Variants in COL4A2 observed in about 807,000 individuals in gnomAD.
COL4A2 encodes the protein collagen type IV alpha 2 chain.
In COL4A2, 99 loss-of-function variants were observed where a neutral mutation model predicts 200.2. That is an observed-to-expected ratio of 0.49 (90% CI 0.42 to 0.58). The LOEUF is 0.58. Ranked by LOEUF, COL4A2 falls within the 20% of genes least tolerant of loss-of-function variation. The probability of loss-of-function intolerance (pLI) is 0.00; values close to 1 mark genes in which losing one functional copy is unlikely to be tolerated. For synonymous variants in COL4A2, 897 were observed against 900.6 expected (o/e 1.00, Z 0.07); for missense variants, 1,950 against 2,314.1 (o/e 0.84, Z 3.23).
At chr13:110,381,170 C>A (rs1878474471) in intron 4 of COL4A2, among the ~76,000 whole-genome samples, 1 of 151,238 alleles carries the variant, frequency 6.6e-6, no homozygotes, top group Admixed American at 6.6e-5. Flanking sequence ...CATCCACGGG[C>A]TCTATCTCAC....
chr13:110,486,191 T>C (rs2025906), intron 34 of COL4A2, among the ~76,000 whole-genome samples: 71,382 of 152,024 alleles, frequency 0.47, 17,348 homozygotes, highest in East Asian at 0.63. Flanking sequence ...CATGGCCGAA[T>C]CACAGCGTAG....
chr13:110,454,271 T>C (rs1379157595), intron 20 of COL4A2, among the ~76,000 whole-genome samples: 2 of 152,182 alleles, frequency 1.3e-5, no homozygotes, highest in Non-Finnish European at 2.9e-5. Context: ...ATGACTAATA[T>C]ATTAGAGAAA....
intron 14 of COL4A2, among the ~76,000 whole-genome samples, chr13:110,438,316 C>T (rs1364836250): frequency 6.6e-6 from 1 of 152,214 alleles, no homozygotes; most frequent in Non-Finnish European, 1.5e-5. Context: ...TCCACTCAGG[C>T]GCCACCGGGT....
At chr13:110,490,004 T>C (rs1202634581) in intron 36 of COL4A2, among the ~76,000 whole-genome samples, 1 of 152,188 alleles carries the variant, frequency 6.6e-6, no homozygotes, top group Non-Finnish European at 1.5e-5. Context: ...TCTCTCTCTT[T>C]GATACTGAAA....
chr13:110,464,235 A>C (rs1338595932), intron 24 of COL4A2, among the ~76,000 whole-genome samples: 1 of 152,150 alleles, frequency 6.6e-6, no homozygotes, highest in Non-Finnish European at 1.5e-5. Context: ...TGCCAGTCCC[A>C]GCCCAGCTGG....
chr13:110,503,154 C>A lies in COL4A2; in HGVS notation c.3911C>A (p.Ala1304Asp). The A allele has an allele frequency of 6.2e-7, 1 of 1,613,904 alleles. No homozygotes were observed. The highest frequency in any genetic ancestry group is 8.5e-7 in the Non-Finnish European group (1 of 1,179,960). ...GGCCCACCAGGGCCACCAGGTTCTG[C>A]TGCTCTTCCTGGAAGCAAAGGTGAC... ...YRGPPGPPGSAALPGSKGDTG... is the reference protein window; with the variant it reads ...YRGPPGPPGSDALPGSKGDTG... Residue 1304 changes from alanine (A) to aspartate (D), a missense_variant, in exon 42 of 48, where the codon GCT becomes GAT. This residue lies in a region of COL4A2 where 1,385 missense variants were observed against 1,720.5 expected (regional missense o/e 0.80). Transcript: ENST00000360467.
chr13:110,468,256 C>T, intron 27 of COL4A2: 1 of 471,652 alleles, frequency 2.1e-6, no homozygotes, highest in Non-Finnish European at 4.4e-6. Flanking sequence ...GAGGTAAAGG[C>T]TCCTTGTGTT....
At chr13:110,469,454 A>T in intron 28 of COL4A2, 130 bp downstream of exon 28, 1 of 980,176 alleles carries the variant, frequency 1.0e-6, no homozygotes, top group Non-Finnish European at 1.5e-6. Flanking sequence ...CAACTTTTGC[A>T]TTTGTCCTTG....
At chr13:110,346,260 A>G (rs1876695397) in intron 3 of COL4A2, among the ~76,000 whole-genome samples, 1 of 152,206 alleles carries the variant, frequency 6.6e-6, no homozygotes, top group Non-Finnish European at 1.5e-5. Flanking sequence ...ACAGAAAGTC[A>G]TTTAAGATTA....
chr13:110,321,922 G>A (rs532007450), intron 3 of COL4A2, among the ~76,000 whole-genome samples: 8 of 152,298 alleles, frequency 5.3e-5, no homozygotes, highest in African/African-American at 1.9e-4. Flanking sequence ...CCCCACCCTT[G>A]ACATGTGGGG....
At chr13:110,453,792 T>C (rs959555945) in intron 20 of COL4A2, among the ~76,000 whole-genome samples, 3 of 152,178 alleles carry the variant, frequency 2.0e-5, no homozygotes, top group Non-Finnish European at 4.4e-5. Context: ...TAATTATATA[T>C]ATTACCCCTG....
chr13:110,411,649 G>A (rs922357115), intron 4 of COL4A2, among the ~76,000 whole-genome samples: 25 of 152,216 alleles, frequency 1.6e-4, no homozygotes, highest in Admixed American at 1.4e-3. Flanking sequence ...GGTTTTGTAC[G>A]GATTTCCATG....
chr13:110,461,347 G>A (rs1392538577), intron 22 of COL4A2, among the ~76,000 whole-genome samples: 1 of 152,204 alleles, frequency 6.6e-6, no homozygotes, highest in Non-Finnish European at 1.5e-5. Context: ...CACCGAGCCC[G>A]TGGATCCCTG....
intron 34 of COL4A2, 79 bp from the exon 35 acceptor site, chr13:110,489,366 A>G: frequency 7.6e-7 from 1 of 1,322,722 alleles, no homozygotes; most frequent in Non-Finnish European, 1.1e-6. Context: ...CATACTGGAT[A>G]GTTAAATAAG....
At chr13:110,503,072 G>C in intron 41 of COL4A2, 49 bp from the exon 42 acceptor site, 1 of 1,579,670 alleles carries the variant, frequency 6.3e-7, no homozygotes, top group Non-Finnish European at 8.6e-7. Flanking sequence ...GCCCCCAGGG[G>C]CCTTGGGGCC....
At chr13:110,334,368 C>G (rs531538281) in intron 3 of COL4A2, among the ~76,000 whole-genome samples, 3 of 152,344 alleles carry the variant, frequency 2.0e-5, no homozygotes, top group African/African-American at 7.2e-5. Flanking sequence ...TTGGAAGTGC[C>G]TGCACGATGC....
Position 110,481,738 on chromosome 13 carries a change from C to T in COL4A2, c.2759-778C>T, listed in dbSNP as rs868027973. ...TTGCTGGAGACACACTGTTCTGTCC[C>T]TCCGTTGCTGGAGACACACAGTTCT... On this transcript the variant is annotated intron_variant, in intron 31 of 47. Coordinates refer to ENST00000360467, the MANE Select transcript of COL4A2 (RefSeq NM_001846.4). 9.9e-4 allele frequency among the ~76,000 whole-genome samples: 24 copies of T among 24,314 alleles called. 2 individuals are homozygous for T. The highest frequency in any genetic ancestry group is 1.3e-3 in the Non-Finnish European group (15 of 11,162). The allele number at this position is 24,314 out of a possible 152,430, so 16.0% of individuals were successfully genotyped here. A position where few individuals can be genotyped will look rare whatever the true frequency, so the allele number is the denominator to read the frequency against.
intron 17 of COL4A2, 96 bp from the exon 18 acceptor site, chr13:110,446,702 C>A: frequency 2.0e-6 from 2 of 1,013,432 alleles, no homozygotes; most frequent in Non-Finnish European, 3.0e-6. Context: ...GCCAGCCTGA[C>A]GGTCCACGCT....
intron 39 of COL4A2, among the ~76,000 whole-genome samples, chr13:110,494,596 C>T (rs755179114): frequency 2.6e-5 from 4 of 151,680 alleles, no homozygotes; most frequent in Admixed American, 6.6e-5. Flanking sequence ...ACATTTAACT[C>T]GGGAGGCTGA....
Sources: allele counts gnomAD v4.1 joint callset (sites outside exome capture counted in the v4.1 genomes callset), GRCh38; gene constraint gnomAD v4.1.1; regional missense constraint gnomAD v4.1.1; transcripts MANE v1.5; gene names NCBI Gene and HGNC (gene_info 2026-07-23, HGNC 2026-07-21).